Variants in PTPRD observed in about 807,000 individuals in gnomAD.
The protein encoded by PTPRD is receptor-type tyrosine-protein phosphatase delta.
In PTPRD, 34 loss-of-function variants were observed where a neutral mutation model predicts 214.5. That is an observed-to-expected ratio of 0.16 (90% CI 0.12 to 0.21). The LOEUF is 0.21. Ranked by LOEUF, PTPRD falls within the 10% of genes least tolerant of loss-of-function variation. PTPRD has a pLI of 1.00. For missense variants in PTPRD, 2,545 were observed against 2,398.7 expected, an observed-to-expected ratio of 1.06 and a Z score of -1.27; for synonymous variants, 1,128 against 845.7, an observed-to-expected ratio of 1.33 and a Z score of -5.79.
At chr9:9,812,593 G>T (rs1374195831) in intron 5 of PTPRD, among the ~76,000 whole-genome samples, 1 of 152,018 alleles carries the variant, frequency 6.6e-6, no homozygotes. Flanking sequence ...AATGATAAAG[G>T]AATCAATTCA....
chr9:8,590,237 G>A (rs1404789066), intron 14 of PTPRD, among the ~76,000 whole-genome samples: 1 of 152,070 alleles, frequency 6.6e-6, no homozygotes, highest in Non-Finnish European at 1.5e-5. Context: ...AATAGCTCAA[G>A]AAAAAATGAA....
chr9:9,779,567 A>G (rs2098826909), intron 5 of PTPRD, among the ~76,000 whole-genome samples: 1 of 152,250 alleles, frequency 6.6e-6, no homozygotes. Flanking sequence ...GACACTTCAC[A>G]AAAGACAAAC....
intron 36 of PTPRD, among the ~76,000 whole-genome samples, chr9:8,393,648 T>C (rs1158630832): frequency 9.2e-5 from 14 of 152,274 alleles, no homozygotes. Flanking sequence ...ACTGCATTTA[T>C]AAAACTGAGT....
intron 10 of PTPRD, among the ~76,000 whole-genome samples, chr9:9,058,401 C>A (rs1174164678): frequency 2.3e-5 from 3 of 129,988 alleles, no homozygotes; most frequent in African/African-American, 8.3e-5. Context: ...AAGATAAATT[C>A]TATGTATAAT....
intron 30 of PTPRD, among the ~76,000 whole-genome samples, chr9:8,480,151 T>C (rs1039682226): frequency 1.3e-5 from 2 of 152,190 alleles, no homozygotes; most frequent in Non-Finnish European, 2.9e-5. Flanking sequence ...ATATATTTGT[T>C]GGATGCCAGC....
chr9:9,647,478 A>G (rs1279013042), intron 7 of PTPRD, among the ~76,000 whole-genome samples: 1 of 152,130 alleles, frequency 6.6e-6, no homozygotes, highest in Non-Finnish European at 1.5e-5. Flanking sequence ...TTAAATATGC[A>G]TTTCTCCCAA....
chr9:10,488,272 C>G (rs1054808586), intron 2 of PTPRD, among the ~76,000 whole-genome samples: 10 of 150,220 alleles, frequency 6.7e-5, no homozygotes, highest in African/African-American at 2.2e-4. Context: ...GAGGCTGAGG[C>G]AGGAGAATGG....
intron 14 of PTPRD, among the ~76,000 whole-genome samples, chr9:8,568,570 T>A (rs2154225416): frequency 6.6e-6 from 1 of 152,268 alleles, no homozygotes; most frequent in East Asian, 1.9e-4. Flanking sequence ...CACACCAGAC[T>A]CATTCTCAGC....
rs951524213 is a variant in PTPRD, at chr9:9,293,882, A to C, written c.-203+103567T>G. 2.0e-5 allele frequency among the ~76,000 whole-genome samples: 3 copies of C among 151,458 alleles called. No individual in the cohort carries two copies. In the Admixed American group the frequency reaches 2.0e-4, roughly 10 times the overall value. On this transcript the variant is annotated intron_variant, in intron 9 of 45. Coordinates refer to ENST00000381196, the MANE Select transcript of PTPRD (RefSeq NM_002839.4). ...TTCTTTGCAATTTCACAGATAAAAG[A>C]TCTTAGCAACCTCAGCATTCAGTTT...
intron 9 of PTPRD, among the ~76,000 whole-genome samples, chr9:9,319,623 G>C (rs1426268641): frequency 2.0e-5 from 3 of 152,120 alleles, no homozygotes; most frequent in Non-Finnish European, 2.9e-5. Context: ...ACTTTACCAA[G>C]TGTATAGTAG....
At position 9,113,099 on chromosome 9, in the gene PTPRD, G is replaced by T. The variant is rs184436317; in HGVS notation, c.-143+70205C>A. ...CCTCCCTCAGCCTCCCAAGTGGCTA[G>T]AACTATGGATGTGTACCACCATGCC... On this transcript the variant is annotated intron_variant, in intron 10 of 45. Coordinates refer to ENST00000381196, the MANE Select transcript of PTPRD (RefSeq NM_002839.4). Among the ~76,000 whole-genome samples, 4 of 151,792 alleles carry T rather than the reference G, an allele frequency of 2.6e-5. No homozygotes were observed. The East Asian group carries it at 7.8e-4, about 30-fold the overall frequency.
intron 14 of PTPRD, among the ~76,000 whole-genome samples, chr9:8,599,392 AAAAAC>A (rs1320303523): frequency 6.6e-6 from 1 of 152,322 alleles, no homozygotes; most frequent in East Asian, 1.9e-4. Context: ...TCTGAAAAGT[AAAAAC>A]AAAACAAAAG....
chr9:10,374,257 G>A (rs2097685770), intron 2 of PTPRD, among the ~76,000 whole-genome samples: 1 of 152,064 alleles, frequency 6.6e-6, no homozygotes, highest in South Asian at 2.1e-4. Flanking sequence ...AGGCAATTGT[G>A]TCAAAATACA....
intron 11 of PTPRD, among the ~76,000 whole-genome samples, chr9:8,913,574 G>C (rs978417871): frequency 6.6e-6 from 1 of 151,986 alleles, no homozygotes; most frequent in African/African-American, 2.4e-5. Context: ...ATTATAATGA[G>C]TGACTTCCAT....
chr9:9,732,024 C>T (rs771472060), intron 7 of PTPRD, among the ~76,000 whole-genome samples: 1 of 151,966 alleles, frequency 6.6e-6, no homozygotes, highest in Non-Finnish European at 1.5e-5. Flanking sequence ...ACAAAGAGTT[C>T]AAGGACAGGG....
At chr9:9,665,971 G>A (rs1289346968) in intron 7 of PTPRD, among the ~76,000 whole-genome samples, 1 of 151,814 alleles carries the variant, frequency 6.6e-6, no homozygotes, top group Non-Finnish European at 1.5e-5. Flanking sequence ...AAATTATAAA[G>A]ATATGAAAGT....
intron 39 of PTPRD, among the ~76,000 whole-genome samples, chr9:8,373,073 G>A (rs564766385): frequency 6.6e-6 from 1 of 152,074 alleles, no homozygotes; most frequent in East Asian, 1.9e-4. Context: ...ATGATTAACC[G>A]TGATCAGTAT....
intron 8 of PTPRD, among the ~76,000 whole-genome samples, chr9:9,521,223 A>G (rs1162781711): frequency 6.6e-6 from 1 of 152,170 alleles, no homozygotes; most frequent in African/African-American, 2.4e-5. Flanking sequence ...CAAAGTCGCT[A>G]CAGCAGAAAT....
At chr9:9,225,684 C>T (rs78701454) in intron 9 of PTPRD, among the ~76,000 whole-genome samples, 4,570 of 152,022 alleles carry the variant, frequency 0.03, 197 homozygotes, top group African/African-American at 0.091. Flanking sequence ...GAATTCTAGA[C>T]TCTGGCCTTT....
Sources: allele counts gnomAD v4.1 joint callset (sites outside exome capture counted in the v4.1 genomes callset), GRCh38; gene constraint gnomAD v4.1.1; transcripts MANE v1.5; gene names NCBI Gene and HGNC (gene_info 2026-07-23, HGNC 2026-07-21).